Variants in CWC27 observed in about 807,000 individuals in gnomAD.
CWC27 encodes CWC27 spliceosome associated cyclophilin.
A neutral mutation model predicts 63.6 loss-of-function variants in CWC27; 47 were observed. That is an observed-to-expected ratio of 0.74 (90% CI 0.58 to 0.94). The LOEUF (loss-of-function observed/expected upper bound fraction) is 0.94. Among genes scored for constraint, CWC27 ranks in the 40% least tolerant of loss-of-function variants. CWC27 has a pLI of 0.00. For synonymous variants in CWC27, 175 were observed against 179.8 expected (o/e 0.97, Z 0.22); for missense variants, 495 against 554.3 (o/e 0.89, Z 1.07).
chr5:64,932,830 T>A (rs1429474394), intron 11 of CWC27, among the ~76,000 whole-genome samples: 1 of 152,182 alleles, frequency 6.6e-6, no homozygotes, highest in Admixed American at 6.5e-5. Context: ...TTGTATCACA[T>A]CCTTTTTTGA....
intron 10 of CWC27, among the ~76,000 whole-genome samples, chr5:64,840,383 AAAAAAAAAAAAATATATAT>A (rs1745782997): frequency 9.7e-5 from 7 of 72,066 alleles, no homozygotes; most frequent in African/African-American, 3.2e-4. Flanking sequence ...AAAAAAAAAA[AAAAAAAAAAAAATATATAT>A]ATATATATAT....
At chr5:64,944,157 T>G (rs768551915) in intron 11 of CWC27, among the ~76,000 whole-genome samples, 1 of 152,038 alleles carries the variant, frequency 6.6e-6, no homozygotes, top group South Asian at 2.1e-4. Flanking sequence ...TTCATCATTA[T>G]GAAAGCATGC....
intron 13 of CWC27, among the ~76,000 whole-genome samples, chr5:64,984,058 C>G (rs1212454853): frequency 6.6e-6 from 1 of 152,152 alleles, no homozygotes; most frequent in African/African-American, 2.4e-5. Flanking sequence ...GTCTCGAACT[C>G]CTGACCTGAG....
chr5:64,875,542 T>A (rs1031870345), intron 10 of CWC27, among the ~76,000 whole-genome samples: 3 of 152,190 alleles, frequency 2.0e-5, no homozygotes, highest in Admixed American at 6.5e-5. Context: ...GCTTATTCCT[T>A]ACCTTTTCAG....
chr5:64,829,078 T>C (rs1745444431), intron 10 of CWC27, among the ~76,000 whole-genome samples: 1 of 152,196 alleles, frequency 6.6e-6, no homozygotes, highest in Non-Finnish European at 1.5e-5. Flanking sequence ...AATTTCTGTA[T>C]TTATTTGAAC....
intron 10 of CWC27, among the ~76,000 whole-genome samples, chr5:64,875,780 T>TAA (rs1746779918): frequency 1.3e-5 from 2 of 152,132 alleles, no homozygotes; most frequent in Admixed American, 6.5e-5. Context: ...TAATCTCTTT[T>TAA]GTTAGACTGA....
intron 11 of CWC27, among the ~76,000 whole-genome samples, chr5:64,939,787 G>A (rs750595540): frequency 2.0e-5 from 3 of 152,116 alleles, no homozygotes; most frequent in South Asian, 4.1e-4. Context: ...GAATGGGACC[G>A]CTGCCTTTCT....
intron 10 of CWC27, among the ~76,000 whole-genome samples, chr5:64,855,960 T>A (rs918555094): frequency 2.0e-5 from 3 of 152,046 alleles, no homozygotes; most frequent in Non-Finnish European, 2.9e-5. Flanking sequence ...TATGAACAAG[T>A]CAAACATAAA....
chr5:64,944,635 C>T (rs1056692822), intron 11 of CWC27, among the ~76,000 whole-genome samples: 1 of 152,102 alleles, frequency 6.6e-6, no homozygotes, highest in South Asian at 2.1e-4. Flanking sequence ...ATTTTGGAAT[C>T]GTTTTTTGTT....
At chr5:64,900,332 G>C (rs942402656) in intron 11 of CWC27, among the ~76,000 whole-genome samples, 1 of 152,102 alleles carries the variant, frequency 6.6e-6, no homozygotes, top group Admixed American at 6.5e-5. Context: ...ATTGTTTCAT[G>C]TGCTTATTTG....
At chr5:64,836,842 C>T (rs147650288) in intron 10 of CWC27, among the ~76,000 whole-genome samples, 7 of 152,080 alleles carry the variant, frequency 4.6e-5, no homozygotes, top group Admixed American at 6.6e-5. Context: ...GAAGGTGGAA[C>T]CCAGAAAATG....
chr5:64,887,355 T>TTTTA (rs59499162), intron 11 of CWC27, among the ~76,000 whole-genome samples: 4,007 of 152,122 alleles, frequency 0.026, 179 homozygotes, highest in African/African-American at 0.092. Context: ...TTCAATCTGC[T>TTTTA]TTTATTTATT....
chr5:64,950,465 A>G (rs761209568), intron 11 of CWC27, among the ~76,000 whole-genome samples: 3 of 151,986 alleles, frequency 2.0e-5, no homozygotes, highest in Non-Finnish European at 4.4e-5. Flanking sequence ...AAGGAAGGCA[A>G]GGAAAATAAA....
rs569883428 is a variant in CWC27 at position 65,014,724 on chromosome 5, C to T, written c.1257-3435C>T. 3.3e-5 allele frequency among the ~76,000 whole-genome samples: 5 copies of T among 152,206 alleles called. 1 individual carries two copies. The highest frequency in any genetic ancestry group is 1.3e-4 in the Admixed American group (2 of 15,282). ...GTAAAGTGCGGGCATGCTTTCAATT[C>T]GTACAGTCTGTGATTTATAGAGGCA... On this transcript the variant is annotated intron_variant, in intron 13 of 13. Transcript: ENST00000381070.
intron 13 of CWC27, among the ~76,000 whole-genome samples, chr5:65,006,521 T>C (rs1472423930): frequency 6.6e-6 from 1 of 152,188 alleles, no homozygotes; most frequent in East Asian, 1.9e-4. Context: ...AAAATCTTTA[T>C]GTAAAATTAA....
intron 13 of CWC27, among the ~76,000 whole-genome samples, chr5:64,997,597 C>G (rs1181224556): frequency 2.0e-5 from 3 of 151,952 alleles, no homozygotes; most frequent in African/African-American, 2.4e-5. Context: ...CAGTGATTAA[C>G]TTAAGGTTGG....
chr5:64,885,502 A>G lies in CWC27; in HGVS notation c.998A>G (p.Lys333Arg). Residue 333 changes from lysine (K) to arginine (R), a missense_variant, in exon 11 of 14, where the codon AAA becomes AGA. Physicochemically the swap from Lys to Arg is conservative, Grantham distance 26. Coordinates refer to ENST00000381070, the MANE Select transcript of CWC27 (RefSeq NM_005869.4). ...LKRELLAAKQ[K>R]KVENAAKQAE... ...CGGGAACTCTTAGCAGCAAAACAAA[A>G]AAAAGTAGAAAATGCAGCAAAACAA... is the stretch of plus-strand genomic sequence containing the variant. 1 of 1,608,092 alleles carries G rather than the reference A, an allele frequency of 6.2e-7. No homozygotes were observed. The highest frequency in any genetic ancestry group is 8.5e-7 in the Non-Finnish European group (1 of 1,177,122).
At chr5:64,992,841 C>T (rs1749563348) in intron 13 of CWC27, among the ~76,000 whole-genome samples, 2 of 152,058 alleles carry the variant, frequency 1.3e-5, no homozygotes, top group African/African-American at 4.8e-5. Flanking sequence ...CCACTTTCTA[C>T]ACTTTTTTAA....
intron 10 of CWC27, chr5:64,808,282 T>C: frequency 2.0e-6 from 2 of 991,378 alleles, no homozygotes; most frequent in Non-Finnish European, 2.4e-6. Flanking sequence ...CCTGGATGAG[T>C]TCAAGTTTGT....
Sources: allele counts gnomAD v4.1 joint callset (sites outside exome capture counted in the v4.1 genomes callset), GRCh38; gene constraint gnomAD v4.1.1; transcripts MANE v1.5; gene names NCBI Gene and HGNC (gene_info 2026-07-23, HGNC 2026-07-21).